The following DMXL2 variants were observed in gnomAD, a reference collection of about 807,000 sequenced individuals.
The protein encoded by DMXL2 is dmX-like protein 2.
Under a neutral mutation model 331.1 loss-of-function variants are expected in DMXL2, and 103 were observed. The observed-to-expected ratio is 0.31, with a 90% CI of 0.27 to 0.37. The LOEUF is 0.37. Among genes scored for constraint, DMXL2 ranks in the 10% least tolerant of loss-of-function variants. The pLI is 1.00. For synonymous variants in DMXL2, 1,281 were observed against 1,252.1 expected, an observed-to-expected ratio of 1.02 and a Z score of -0.49; for missense variants, 3,171 against 3,642.9, an observed-to-expected ratio of 0.87 and a Z score of 3.33.
At chr15:51,458,403 G>A (rs2039833883) in intron 36 of DMXL2, 103 bp downstream of exon 36, 5 of 1,252,100 alleles carry the variant, frequency 4.0e-6, no homozygotes, top group Non-Finnish European at 5.5e-6. Context: ...CCCAAATGAA[G>A]GAGATACACG....
chr15:51,507,811 T>TAA (rs57858304), intron 15 of DMXL2, among the ~76,000 whole-genome samples: 14 of 141,146 alleles, frequency 9.9e-5, no homozygotes, highest in Admixed American at 2.9e-4. Context: ...AAAACAGCAT[T>TAA]AAAAAAAAAA....
intron 20 of DMXL2, among the ~76,000 whole-genome samples, chr15:51,490,724 A>AT (rs991660964): frequency 7.2e-5 from 11 of 152,156 alleles, no homozygotes; most frequent in African/African-American, 2.7e-4. Flanking sequence ...GCTGAACTGA[A>AT]TTTTTTTCCT....
intron 3 of DMXL2, among the ~76,000 whole-genome samples, chr15:51,565,599 G>A (rs535721979): frequency 6.6e-6 from 1 of 152,298 alleles, no homozygotes; most frequent in South Asian, 2.1e-4. Context: ...CATGGAATTA[G>A]TATTGGTCTA....
chr15:51,575,999 C>T (rs11637080), intron 2 of DMXL2, 57 bp downstream of exon 2: 1 of 1,497,098 alleles, frequency 6.7e-7, no homozygotes, highest in African/African-American at 1.4e-5. Context: ...TAAGAAGATT[C>T]TGAGATTATT....
intron 13 of DMXL2, among the ~76,000 whole-genome samples, chr15:51,526,301 T>C (rs1315872913): frequency 6.6e-6 from 1 of 152,118 alleles, no homozygotes; most frequent in African/African-American, 2.4e-5. Context: ...TCCAAGACCA[T>C]CAAGGCAGTA....
At chr15:51,524,911 C>T (rs1419017865) in intron 13 of DMXL2, among the ~76,000 whole-genome samples, 9 of 151,910 alleles carry the variant, frequency 5.9e-5, no homozygotes, top group African/African-American at 1.9e-4. Context: ...AGACACCAGG[C>T]GGGATGGCTA....
chr15:51,471,145 C>T, intron 29 of DMXL2, 78 bp downstream of exon 29: 1 of 1,359,050 alleles, frequency 7.4e-7, no homozygotes, highest in Non-Finnish European at 1.0e-6. Context: ...CCCCATCATT[C>T]CTATGTGAGA....
At chr15:51,613,176 C>A (rs1338831110) in intron 1 of DMXL2, among the ~76,000 whole-genome samples, 1 of 152,148 alleles carries the variant, frequency 6.6e-6, no homozygotes, top group Non-Finnish European at 1.5e-5. Flanking sequence ...AGGAGACATT[C>A]ATCCTCAGCT....
intron 6 of DMXL2, among the ~76,000 whole-genome samples, chr15:51,557,884 G>C (rs1487420812): frequency 1.3e-5 from 2 of 152,178 alleles, no homozygotes; most frequent in Non-Finnish European, 2.9e-5. Context: ...ATAGATTTTA[G>C]ACCTGAATGT....
intron 8 of DMXL2, among the ~76,000 whole-genome samples, chr15:51,543,776 GAC>G (rs781642803): frequency 1.3e-4 from 20 of 151,864 alleles, no homozygotes; most frequent in Non-Finnish European, 1.8e-4. Flanking sequence ...ATTAATAAAA[GAC>G]AGTAAAAACT....
rs533352634 is a variant in DMXL2 at position 51,502,358 on chromosome 15, G to A, written c.2992+448C>T. On this transcript the variant is annotated intron_variant, in intron 17 of 43. Transcript: ENST00000560891. ...TGTGTGTATGGAGTCTCACTGTGTC[G>A]CCCGCCCAGGCTGGAATGCAGTAGT... Among the ~76,000 whole-genome samples the A allele has an allele frequency of 1.5e-3, 209 of 142,364 alleles. 3 individuals carry two copies. The highest frequency in any genetic ancestry group is 1.6e-3 in the Non-Finnish European group (105 of 65,776). 93.4% of individuals were successfully genotyped at this position (142,364 alleles called of 152,430 possible).
At chr15:51,489,717 CTT>C (rs1307611931) in intron 20 of DMXL2, among the ~76,000 whole-genome samples, 3 of 152,044 alleles carry the variant, frequency 2.0e-5, no homozygotes, top group Admixed American at 2.0e-4. Flanking sequence ...TCTCAATACT[CTT>C]TTCCCTTCCC....
chr15:51,514,586 G>T, intron 14 of DMXL2, 27 bp from the exon 15 acceptor site: 1 of 1,427,436 alleles, frequency 7.0e-7, no homozygotes, highest in Non-Finnish European at 9.7e-7. Context: ...AAATGAAGAG[G>T]TTTTATCTTT....
chr15:51,570,481 C>T (rs2050592431), intron 2 of DMXL2, among the ~76,000 whole-genome samples: 1 of 152,042 alleles, frequency 6.6e-6, no homozygotes, highest in African/African-American at 2.4e-5. Context: ...AACCCCAAGA[C>T]ACATAATCAT....
At chr15:51,588,418 A>G (rs1162425570) in intron 1 of DMXL2, among the ~76,000 whole-genome samples, 1 of 152,068 alleles carries the variant, frequency 6.6e-6, no homozygotes, top group Middle Eastern at 3.2e-3. Context: ...GAGCGCTGGG[A>G]TTACAGGCCT....
chr15:51,449,303 A>C, intron 43 of DMXL2, 110 bp from the exon 44 acceptor site: 1 of 932,942 alleles, frequency 1.1e-6, no homozygotes, highest in Non-Finnish European at 1.6e-6. Flanking sequence ...CAACCTTCCC[A>C]CCCACTGCCT....
At position 51,542,319 on chromosome 15, in the gene DMXL2, A is replaced by C. The variant is rs1467576263; in HGVS notation, c.1105+14T>G. 1 of 1,607,808 alleles carries C rather than the reference A, an allele frequency of 6.2e-7. No homozygotes were observed. Among genetic ancestry groups the C allele is most frequent in the Non-Finnish European group, 8.5e-7 (1 of 1,175,908 alleles). ...CTTCAACATATTTATGGGAAATAAA[A>C]CTTTATCCTTTACCTGTGGCAGGGT... is the stretch of plus-strand genomic sequence containing the variant. On this transcript the variant is annotated intron_variant, in intron 9 of 43. Coordinates refer to ENST00000560891, the MANE Select transcript of DMXL2 (RefSeq NM_001378457.1).
Position 51,478,360 on chromosome 15 carries a change from C to G in DMXL2, c.6757-13G>C. 3 of 1,609,198 alleles carry G rather than the reference C, an allele frequency of 1.9e-6. No homozygotes were observed. Among genetic ancestry groups the G allele is most frequent in the South Asian group, 2.2e-5 (2 of 90,622 alleles). ...GAAGTGTGTGCACCTAAAACCAAAACAGTCACAATTACATTTTGTACTAAC... is the reference window on the plus strand; with the variant it reads ...GAAGTGTGTGCACCTAAAACCAAAAGAGTCACAATTACATTTTGTACTAAC... On this transcript the variant is annotated splice_polypyrimidine_tract_variant and intron_variant, in intron 25 of 43. Transcript: ENST00000560891.
At chr15:51,606,301 G>A (rs193253565) in intron 1 of DMXL2, among the ~76,000 whole-genome samples, 145 of 152,168 alleles carry the variant, frequency 9.5e-4, no homozygotes, top group African/African-American at 3.3e-3. Context: ...TCTGCCTCCC[G>A]GGTTCAAGCA....
Sources: allele counts gnomAD v4.1 joint callset (sites outside exome capture counted in the v4.1 genomes callset), GRCh38; gene constraint gnomAD v4.1.1; transcripts MANE v1.5; gene names NCBI Gene and HGNC (gene_info 2026-07-23, HGNC 2026-07-21).